Variants in ANKFN1 observed in about 807,000 individuals in gnomAD.
The protein encoded by ANKFN1 is ankyrin repeat and fibronectin type-III domain-containing protein 1.
In ANKFN1, 74 loss-of-function variants were observed where a neutral mutation model predicts 108.7. The ratio of observed to expected loss-of-function variants is 0.68; its 90% CI spans 0.56 to 0.83. ANKFN1 has a LOEUF of 0.83. Among genes scored for constraint, ANKFN1 ranks in the 40% least tolerant of loss-of-function variants. ANKFN1 has a pLI of 0.00. For synonymous variants in ANKFN1, 547 were observed against 516.2 expected, an observed-to-expected ratio of 1.06 and a Z score of -0.81; for missense variants, 1,505 against 1,382.3, an observed-to-expected ratio of 1.09 and a Z score of -1.41.
At chr17:56,341,072 A>T (rs1353486900) in intron 4 of ANKFN1, among the ~76,000 whole-genome samples, 1 of 152,038 alleles carries the variant, frequency 6.6e-6, no homozygotes, top group Non-Finnish European at 1.5e-5. Context: ...ACAGTTGTGA[A>T]TGGGAGTAGA....
chr17:56,350,627 T>C, intron 4 of ANKFN1, 139 bp from the exon 5 acceptor site: 1 of 758,318 alleles, frequency 1.3e-6, no homozygotes. Flanking sequence ...TAAAAAAAGC[T>C]GGGTCTGATA....
chr17:56,490,541 A>T (rs1290764194), intron 18 of ANKFN1, among the ~76,000 whole-genome samples: 3 of 152,144 alleles, frequency 2.0e-5, no homozygotes, highest in Non-Finnish European at 4.4e-5. Flanking sequence ...GATCACAGGG[A>T]GTTTTCCTTA....
intron 3 of ANKFN1, among the ~76,000 whole-genome samples, chr17:56,229,285 G>T (rs1249951159): frequency 6.6e-6 from 1 of 152,090 alleles, no homozygotes; most frequent in African/African-American, 2.4e-5. Flanking sequence ...AGAAAGTCAC[G>T]TTAGATTTTA....
At chr17:56,472,069 G>T (rs947574952) in intron 15 of ANKFN1, 2 of 152,126 alleles carry the variant, frequency 1.3e-5, no homozygotes, top group African/African-American at 2.4e-5. Flanking sequence ...AAAATAAAAA[G>T]AAACAAGTGT....
chr17:56,206,605 GA>G, intron 1 of ANKFN1: 1 of 152,084 alleles, frequency 6.6e-6, no homozygotes, highest in Non-Finnish European at 1.5e-5. Flanking sequence ...GAAACACCTG[GA>G]AAAAAGAGAA....
Position 56,512,796 on chromosome 17 carries a change from A to T in ANKFN1, c.*1527A>T, listed in dbSNP as rs2051812766. Among the ~76,000 whole-genome samples the T allele has an allele frequency of 6.6e-6, 1 of 152,230 alleles. No homozygotes were observed. The highest frequency in any genetic ancestry group is 2.4e-5 in the African/African-American group (1 of 41,456). ...TTAAAAACATTTGATTTAAACATAAATAATTACCCTGCTGCAAAGGTACAG... is the reference window on the plus strand; with the variant it reads ...TTAAAAACATTTGATTTAAACATAATTAATTACCCTGCTGCAAAGGTACAG... On this transcript the variant is annotated 3_prime_UTR_variant, in exon 21 of 21. Coordinates refer to ENST00000682825, the MANE Select transcript of ANKFN1 (RefSeq NM_001370326.1).
intron 3 of ANKFN1, among the ~76,000 whole-genome samples, chr17:56,236,013 T>C (rs1917110201): frequency 1.3e-5 from 2 of 152,132 alleles, no homozygotes; most frequent in Non-Finnish European, 2.9e-5. Context: ...TTTTTCCATT[T>C]ATTTGTGTCA....
intron 1 of ANKFN1, among the ~76,000 whole-genome samples, chr17:56,175,440 A>G (rs1194019917): frequency 2.0e-5 from 3 of 152,240 alleles, no homozygotes; most frequent in African/African-American, 7.2e-5. Context: ...CTGTGTTGTC[A>G]CAAAGATGAT....
intron 4 of ANKFN1, among the ~76,000 whole-genome samples, chr17:56,068,857 A>G (rs1426521540): frequency 6.6e-6 from 1 of 152,236 alleles, no homozygotes; most frequent in Admixed American, 6.5e-5. Flanking sequence ...AAATACAGAC[A>G]GAGTAAATGA....
intron 1 of ANKFN1, among the ~76,000 whole-genome samples, chr17:56,157,871 T>C (rs914857254): frequency 1.3e-5 from 2 of 152,244 alleles, no homozygotes; most frequent in Admixed American, 6.5e-5. Context: ...CCTGTTCCTC[T>C]CCACTCCCGT....
chr17:56,273,210 G>A (rs2043835933), intron 3 of ANKFN1, among the ~76,000 whole-genome samples: 2 of 152,066 alleles, frequency 1.3e-5, no homozygotes, highest in Non-Finnish European at 2.9e-5. Flanking sequence ...TGTACCTTCA[G>A]TATCCCTTTT....
chr17:56,079,124 G>T lies in ANKFN1; in HGVS notation c.288+32799G>T, dbSNP rs991166959. On this transcript the variant is annotated intron_variant, in intron 4 of 12. Transcript: ENST00000635860. ...AGCTTGAAGTCTATCTGTGGAAAAGGAGCCAAAGGTTGTTTCTCATAAGGA... is the reference window on the plus strand; with the variant it reads ...AGCTTGAAGTCTATCTGTGGAAAAGTAGCCAAAGGTTGTTTCTCATAAGGA... Among the ~76,000 whole-genome samples the T allele has an allele frequency of 2.6e-5, 4 of 152,260 alleles. 1 individual carries two copies. The highest frequency in any genetic ancestry group is 4.2e-4 in the South Asian group (2 of 4,816).
intron 4 of ANKFN1, among the ~76,000 whole-genome samples, chr17:56,326,905 C>T (rs373439676): frequency 9.2e-5 from 14 of 152,182 alleles, no homozygotes; most frequent in East Asian, 7.7e-4. Flanking sequence ...GACTGTGATA[C>T]TGAGGATATC....
chr17:56,210,967 AG>A (rs1215729053), intron 1 of ANKFN1, among the ~76,000 whole-genome samples: 1 of 152,172 alleles, frequency 6.6e-6, no homozygotes, highest in African/African-American at 2.4e-5. Flanking sequence ...GGGGACACAG[AG>A]CCAAACCATA....
chr17:56,286,622 A>G (rs940740270), intron 3 of ANKFN1, among the ~76,000 whole-genome samples: 2 of 152,130 alleles, frequency 1.3e-5, no homozygotes, highest in Non-Finnish European at 2.9e-5. Context: ...TCCCAGGGCA[A>G]GTATGCTGAG....
At chr17:56,278,203 CTT>C (rs1236964557) in intron 3 of ANKFN1, among the ~76,000 whole-genome samples, 2 of 152,174 alleles carry the variant, frequency 1.3e-5, no homozygotes, top group Non-Finnish European at 2.9e-5. Context: ...CTAAATGCCT[CTT>C]TGCCAATCTC....
intron 4 of ANKFN1, among the ~76,000 whole-genome samples, chr17:56,055,899 C>CA (rs2143092170): frequency 6.6e-6 from 1 of 151,842 alleles, no homozygotes; most frequent in African/African-American, 2.4e-5. Flanking sequence ...AGCTTTTAGA[C>CA]TTTTTAATAA....
chr17:56,516,279 T>C lies in ANKFN1; in HGVS notation c.*5010T>C, dbSNP rs561127876. Among the ~76,000 whole-genome samples, 7 of 152,050 alleles carry C rather than the reference T, an allele frequency of 4.6e-5. No individual in the cohort carries two copies. Among genetic ancestry groups the C allele is most frequent in the South Asian group, 4.2e-4 (2 of 4,812 alleles). ...AAAAGTGTGTGTGTGTGTGTGTGTGTGTGCGTGTGTGGTGGTGTCAGAGAG... is the reference window on the plus strand; with the variant it reads ...AAAAGTGTGTGTGTGTGTGTGTGTGCGTGCGTGTGTGGTGGTGTCAGAGAG... On this transcript the variant is annotated 3_prime_UTR_variant, in exon 21 of 21. Transcript: ENST00000682825.
intron 1 of ANKFN1, among the ~76,000 whole-genome samples, chr17:56,194,651 A>T (rs982131125): frequency 1.3e-5 from 2 of 152,224 alleles, no homozygotes; most frequent in Non-Finnish European, 2.9e-5. Context: ...ACTCTGTATG[A>T]TACTATAGTG....
Sources: gnomAD v4.1 joint callset for allele counts (sites outside exome capture counted in the v4.1 genomes callset) on GRCh38, gnomAD v4.1.1 for gene constraint, MANE v1.5 for transcripts, NCBI Gene and HGNC (gene_info 2026-07-23, HGNC 2026-07-21) for gene names.